Variants in MBTPS1 observed in about 807,000 individuals in gnomAD.
MBTPS1 encodes membrane bound transcription factor peptidase, site 1.
In MBTPS1, 94 loss-of-function variants were observed where a neutral mutation model predicts 127.8. The ratio of observed to expected loss-of-function variants is 0.74; its 90% CI spans 0.62 to 0.87. The LOEUF (loss-of-function observed/expected upper bound fraction) is 0.87. Ranked by LOEUF, MBTPS1 falls within the 40% of genes least tolerant of loss-of-function variation. The pLI is 0.00. For missense variants in MBTPS1, 1,636 were observed against 1,353.2 expected, an observed-to-expected ratio of 1.21 and a Z score of -3.28; for synonymous variants, 632 against 509.4, an observed-to-expected ratio of 1.24 and a Z score of -3.24.
chr16:84,064,863 T>C (rs2085658965), intron 18 of MBTPS1, among the ~76,000 whole-genome samples: 1 of 152,224 alleles, frequency 6.6e-6, no homozygotes, highest in African/African-American at 2.4e-5. Flanking sequence ...TATATTCCAG[T>C]TGCAAGTAGA....
At position 84,081,911 on chromosome 16, in the gene MBTPS1, G is replaced by C; in HGVS notation, c.1287-3C>G. ...CCAGCTCACGCTTCTGGACTGTGCT[G>C]GAGGAAAAATCAAGAATTGCCTATT... On this transcript the variant is annotated splice_region_variant and splice_polypyrimidine_tract_variant and intron_variant, in intron 10 of 22. Transcript: ENST00000343411. 1 of 1,385,280 alleles carries C rather than the reference G, an allele frequency of 7.2e-7. No homozygotes were observed. Among genetic ancestry groups the C allele is most frequent in the Non-Finnish European group, 9.4e-7 (1 of 1,058,282 alleles). 85.8% of individuals were successfully genotyped at this position (1,385,280 alleles called of 1,614,324 possible).
chr16:84,067,637 T>G (rs763189396), intron 16 of MBTPS1, 30 bp downstream of exon 16: 1 of 1,035,732 alleles, frequency 9.7e-7, no homozygotes, highest in Admixed American at 2.5e-5. Context: ...CCAAAAGTCT[T>G]ATCCAAATAC....
chr16:84,113,649 T>A (rs921180892), intron 1 of MBTPS1, among the ~76,000 whole-genome samples: 1 of 152,226 alleles, frequency 6.6e-6, no homozygotes, highest in African/African-American at 2.4e-5. Context: ...CTAAAATACA[T>A]CTGAAATTAT....
intron 12 of MBTPS1, among the ~76,000 whole-genome samples, chr16:84,073,778 C>G (rs8049120): frequency 0.31 from 47,791 of 151,864 alleles, 7,538 homozygotes; most frequent in East Asian, 0.38. Context: ...GCTGAGGTAG[C>G]TGGATCACCT....
rs1234493041 is a variant in MBTPS1, at chr16:84,095,677, G to A, written c.550C>T (p.Arg184Trp). The change falls in exon 4 of 23, where the codon CGG becomes TGG. Residue 184 changes from arginine (R) to tryptophan (W), a missense_variant. Coordinates refer to ENST00000343411, the MANE Select transcript of MBTPS1 (RefSeq NM_003791.4). The part of the protein sequence containing the change: ...WHATGRHSSR[R>W]LLRAIPRQVA... Reference sequence around the variant, plus strand: ...TGGCGCGGGATGGCTCTCAGCAGCCGTCTGCTCGAATGCCTTCCCGTAGCA... The same window carrying A: ...TGGCGCGGGATGGCTCTCAGCAGCCATCTGCTCGAATGCCTTCCCGTAGCA... 8.7e-6 allele frequency: 14 copies of A among 1,614,122 alleles called. No individual in the cohort carries two copies. The highest frequency in any genetic ancestry group is 4.5e-5 in the East Asian group (2 of 44,904).
In MBTPS1 at chr16:84,059,360, G is replaced by A. The variant is rs745803034; in HGVS notation, c.2773C>T (p.Pro925Ser). 1.2e-6 allele frequency: 2 copies of A among 1,614,202 alleles called. No homozygotes were observed. Among genetic ancestry groups the A allele is most frequent in the East Asian group, 4.5e-5 (2 of 44,888 alleles). ...GCCCAAGACAAGCGTGGACAGGCTG[G>A]TAGAGGCCGAGGTTTTGGGTCTCCC... ...HLGDPKPRPL[P>S]ACPRLSWAKP... is the part of the protein sequence containing the mutation. Residue 925 changes from proline (P) to serine (S), a missense_variant, in exon 21 of 23, where the codon CCA (proline) becomes TCA (serine). Pro to Ser is a moderately conservative substitution (Grantham distance 74, BLOSUM62 -1). Coordinates refer to ENST00000343411, the MANE Select transcript of MBTPS1 (RefSeq NM_003791.4).
intron 11 of MBTPS1, among the ~76,000 whole-genome samples, chr16:84,081,305 A>T (rs1215366892): frequency 2.6e-5 from 4 of 152,188 alleles, no homozygotes; most frequent in African/African-American, 4.8e-5. Flanking sequence ...AGCTGGCGAG[A>T]TGTATGTGGT....
At position 84,054,028 on chromosome 16, in the gene MBTPS1, T is replaced by C. The variant is rs1289984501; in HGVS notation, c.*421A>G. On this transcript the variant is annotated 3_prime_UTR_variant, in exon 23 of 23. Transcript: ENST00000343411. ...CAAAAAAAATAGCTTTGCTTCCAAA[T>C]AGCACAAGTCTTTAAAGTGACTTTT... The C allele has an allele frequency of 2.5e-5, 4 of 157,382 alleles. No homozygotes were observed. Among genetic ancestry groups the C allele is most frequent in the Non-Finnish European group, 5.7e-5 (4 of 70,138 alleles). The allele number at this position is 157,382 out of a possible 1,614,324, so 9.7% of individuals were successfully genotyped here. A position where few individuals can be genotyped will look rare whatever the true frequency, so the allele number is the denominator to read the frequency against.
In MBTPS1 at chr16:84,069,767, G is replaced by C. The variant is rs569315302; in HGVS notation, c.1955+99C>G. The C allele has an allele frequency of 8.7e-6, 10 of 1,150,498 alleles. No individual in the cohort carries two copies. In the South Asian group the frequency reaches 1.5e-4, roughly 17 times the overall value. 71.3% of individuals were successfully genotyped at this position (1,150,498 alleles called of 1,614,324 possible). ...AGCGTCATCAGAGTCCAGGCTCCACGAGAAGCTGAGCAACATCTTTCCAAG... is the reference window on the plus strand; with the variant it reads ...AGCGTCATCAGAGTCCAGGCTCCACCAGAAGCTGAGCAACATCTTTCCAAG... On this transcript the variant is annotated intron_variant, in intron 14 of 22. Transcript: ENST00000343411.
At chr16:84,055,922 C>A in intron 22 of MBTPS1, 83 bp downstream of exon 22, 1 of 1,431,002 alleles carries the variant, frequency 7.0e-7, no homozygotes, top group South Asian at 1.3e-5. Flanking sequence ...GAGAGTCTGG[C>A]CCGCCTCCTG....
intron 13 of MBTPS1, 101 bp from the exon 14 acceptor site, chr16:84,070,139 T>G: frequency 9.9e-7 from 1 of 1,009,008 alleles, no homozygotes. Context: ...CCTAAATAAT[T>G]TGAACACAAG....
intron 12 of MBTPS1, among the ~76,000 whole-genome samples, chr16:84,071,259 G>A (rs545691885): frequency 3.3e-5 from 5 of 152,206 alleles, no homozygotes; most frequent in Non-Finnish European, 5.9e-5. Flanking sequence ...GCTCAGCTGC[G>A]AGATGACCAC....
intron 1 of MBTPS1, among the ~76,000 whole-genome samples, chr16:84,115,959 G>A (rs933806796): frequency 6.9e-6 from 1 of 144,522 alleles, no homozygotes; most frequent in African/African-American, 2.6e-5. Flanking sequence ...AAAAAAAAAT[G>A]AGAGGAATTA....
rs1452256869 is a variant in MBTPS1, at chr16:84,093,748, C to T, written c.699G>A (p.Glu233=). 1 of 1,614,212 alleles carries T rather than the reference C, an allele frequency of 6.2e-7. No individual in the cohort carries two copies. Among genetic ancestry groups the T allele is most frequent in the Admixed American group, 1.7e-5 (1 of 60,034 alleles). Reference sequence around the variant, plus strand: ...TTCGCTCGTTGGTCCAGTTGGTTCTCTCCTTCACATTTTTGAAGTGGGGAT... The same window carrying T: ...TTCGCTCGTTGGTCCAGTTGGTTCTTTCCTTCACATTTTTGAAGTGGGGAT... ...EKHPHFKNVK[E]RTNWTNERTL... The change falls in exon 5 of 23, where the codon GAG becomes GAA. Residue 233 remains glutamate, a synonymous_variant. Transcript: ENST00000343411.
In MBTPS1 at chr16:84,054,226, G is replaced by A. The variant is rs866960812; in HGVS notation, c.*223C>T. 15 of 377,668 alleles carry A rather than the reference G, an allele frequency of 4.0e-5. No individual in the cohort carries two copies. Among genetic ancestry groups the A allele is most frequent in the Middle Eastern group, 3.2e-4 (1 of 3,128 alleles). 23.4% of individuals were successfully genotyped at this position (377,668 alleles called of 1,614,324 possible). A position where few individuals can be genotyped will look rare whatever the true frequency, so the allele number is the denominator to read the frequency against. ...GCTGCCGGCGGGAAGTCTCACTGGCGGCAGAGCCACTAAGTCCCTCCTGAC... is the reference window on the plus strand; with the variant it reads ...GCTGCCGGCGGGAAGTCTCACTGGCAGCAGAGCCACTAAGTCCCTCCTGAC... On this transcript the variant is annotated 3_prime_UTR_variant, in exon 23 of 23. Coordinates refer to ENST00000343411, the MANE Select transcript of MBTPS1 (RefSeq NM_003791.4).
intron 11 of MBTPS1, among the ~76,000 whole-genome samples, chr16:84,078,829 G>A (rs2085897584): frequency 6.6e-6 from 1 of 152,188 alleles, no homozygotes; most frequent in Non-Finnish European, 1.5e-5. Context: ...GCTCATTTGT[G>A]GGGTGGTGGG....
In MBTPS1 at chr16:84,099,439, A is replaced by C. The variant is rs887143743; in HGVS notation, c.164-129T>G. 16 of 922,354 alleles carry C rather than the reference A, an allele frequency of 1.7e-5. No homozygotes were observed. In the African/African-American group the frequency reaches 1.8e-4, roughly 11 times the overall value. The allele number at this position is 922,354 out of a possible 1,614,324, so 57.1% of individuals were successfully genotyped here. A position where few individuals can be genotyped will look rare whatever the true frequency, so the allele number is the denominator to read the frequency against. ...AAGCCCACAGCAGACGAGAGAAAAC[A>C]CAAAGACTAGTTTAAGTACCTAGAC... On this transcript the variant is annotated intron_variant, in intron 2 of 22. Transcript: ENST00000343411.
At chr16:84,101,031 T>C (rs1597347884) in intron 2 of MBTPS1, among the ~76,000 whole-genome samples, 1 of 145,540 alleles carries the variant, frequency 6.9e-6, no homozygotes, top group South Asian at 2.2e-4. Context: ...CCTGGCACGA[T>C]AGTTCATGCC....
intron 18 of MBTPS1, among the ~76,000 whole-genome samples, chr16:84,063,848 A>T (rs7205292): frequency 0.015 from 2,258 of 152,324 alleles, 65 homozygotes; most frequent in African/African-American, 0.052. Flanking sequence ...TGCTAAACAC[A>T]CAGGTTTCTC....
Sources: gnomAD v4.1 joint callset for allele counts (sites outside exome capture counted in the v4.1 genomes callset) on GRCh38, gnomAD v4.1.1 for gene constraint, MANE v1.5 for transcripts, NCBI Gene and HGNC (gene_info 2026-07-23, HGNC 2026-07-21) for gene names.